Variants in PP2D1 observed in about 807,000 individuals in gnomAD.
PP2D1 encodes protein phosphatase 2C like domain containing 1, also known as protein phosphatase 2C-like domain-containing protein 1.
In PP2D1, 25 loss-of-function variants were observed where a neutral mutation model predicts 30.2. The ratio of observed to expected loss-of-function variants is 0.83; its 90% CI spans 0.60 to 1.16. The LOEUF (loss-of-function observed/expected upper bound fraction) is 1.16, where lower values mean the gene tolerates loss of function less well. Ranked by LOEUF, PP2D1 falls within the 50% of genes most tolerant of loss-of-function variation. The probability of loss-of-function intolerance (pLI) is 0.00; values close to 1 mark genes in which losing one functional copy is unlikely to be tolerated. For missense variants in PP2D1, 760 were observed against 742.4 expected (o/e 1.02, Z -0.28); for synonymous variants, 260 against 258.9 (o/e 1.00, Z -0.04).
At chr3:19,986,441 A>T (rs1476228031) in intron 2 of PP2D1, among the ~76,000 whole-genome samples, 1 of 152,248 alleles carries the variant, frequency 6.6e-6, no homozygotes, top group Non-Finnish European at 1.5e-5. Context: ...AACATTACAG[A>T]TAATGCAAAG....
chr3:19,995,848 A>G (rs370788318), intron 2 of PP2D1, among the ~76,000 whole-genome samples: 81 of 152,346 alleles, frequency 5.3e-4, no homozygotes, highest in African/African-American at 1.9e-3. Flanking sequence ...ATGGAAATTA[A>G]ACAACATGCT....
intron 2 of PP2D1, among the ~76,000 whole-genome samples, chr3:19,986,810 G>A (rs533458268): frequency 3.0e-4 from 45 of 152,154 alleles, no homozygotes; most frequent in African/African-American, 9.6e-4. Context: ...CGAGGTGGGC[G>A]GATCACCTGA....
chr3:19,981,283 A>G (rs1259832193), downstream of PP2D1, among the ~76,000 whole-genome samples: 1 of 152,162 alleles, frequency 6.6e-6, no homozygotes, highest in African/African-American at 2.4e-5. Context: ...TTACTACGGG[A>G]TTACATACAG....
At chr3:20,002,165 A>G in intron 1 of PP2D1, 69 bp from the exon 2 acceptor site, 1 of 962,764 alleles carries the variant, frequency 1.0e-6, no homozygotes, top group Non-Finnish European at 1.5e-6. Flanking sequence ...GCAGGCTGTT[A>G]TCATTGCAAT....
chr3:19,998,194 G>A (rs889035535), intron 2 of PP2D1, among the ~76,000 whole-genome samples: 3 of 152,172 alleles, frequency 2.0e-5, no homozygotes, highest in Non-Finnish European at 4.4e-5. Flanking sequence ...TCCAGCCGTG[G>A]TGGCATGCAC....
intron 2 of PP2D1, among the ~76,000 whole-genome samples, chr3:19,998,567 T>C (rs112792957): frequency 6.6e-6 from 1 of 152,202 alleles, no homozygotes; most frequent in African/African-American, 2.4e-5. Context: ...AGGTACCCCA[T>C]GAATATTTAT....
chr3:20,011,210 T>C (rs1317955683), intron 1 of PP2D1, among the ~76,000 whole-genome samples: 5 of 151,980 alleles, frequency 3.3e-5, no homozygotes, highest in Non-Finnish European at 7.4e-5. Flanking sequence ...AGCAGAGAAG[T>C]AGGGGAAGAA....
At chr3:19,986,344 T>G (rs1490082141) in intron 2 of PP2D1, among the ~76,000 whole-genome samples, 162 bp from the exon 3 acceptor site, 1 of 152,170 alleles carries the variant, frequency 6.6e-6, no homozygotes, top group Admixed American at 6.5e-5. Flanking sequence ...TACTGAATGA[T>G]TTACAGTAAA....
At chr3:20,003,905 T>C (rs1697285973) in intron 1 of PP2D1, among the ~76,000 whole-genome samples, 1 of 152,134 alleles carries the variant, frequency 6.6e-6, no homozygotes, top group African/African-American at 2.4e-5. Context: ...TACAAAAGAA[T>C]CAAAAAGTTG....
chr3:20,006,811 C>G (rs1697323063), intron 1 of PP2D1, among the ~76,000 whole-genome samples: 1 of 151,900 alleles, frequency 6.6e-6, no homozygotes, highest in African/African-American at 2.4e-5. Flanking sequence ...GAGTCTTGCT[C>G]TGTCGCCCAG....
chr3:19,998,159 G>A (rs1360458522), intron 2 of PP2D1, among the ~76,000 whole-genome samples: 1 of 152,134 alleles, frequency 6.6e-6, no homozygotes, highest in Admixed American at 6.5e-5. Context: ...GTGAAACCCT[G>A]TCTCTACTAA....
intron 2 of PP2D1, among the ~76,000 whole-genome samples, chr3:19,993,961 T>G (rs1697147528): frequency 6.6e-6 from 1 of 151,866 alleles, no homozygotes. Context: ...CTTGAACTCC[T>G]GACCTTGTGA....
At position 20,001,358 on chromosome 3, in the gene PP2D1, C is replaced by T. The variant is rs533784654; in HGVS notation, c.762G>A (p.Val254=). The T allele has an allele frequency of 1.3e-6, 2 of 1,535,812 alleles. No individual in the cohort carries two copies. The highest frequency in any genetic ancestry group is 1.2e-5 in the South Asian group (1 of 84,030). ...EQQIINSFYT[V]FREEYAAIED... is the part of the protein sequence containing the mutation. ...CTATTGCTGCGTATTCTTCTCTAAA[C>T]ACAGTGTAAAAGGAATTGATTATTT... is the stretch of plus-strand genomic sequence containing the variant. The change falls in exon 2 of 3, where the codon GTG becomes GTA. Residue 254 remains valine, a synonymous_variant. Coordinates refer to ENST00000389050, the MANE Select transcript of PP2D1 (RefSeq NM_001252657.2).
At chr3:19,997,731 G>A (rs552613865) in intron 2 of PP2D1, among the ~76,000 whole-genome samples, 5 of 152,214 alleles carry the variant, frequency 3.3e-5, no homozygotes, top group Admixed American at 2.6e-4. Flanking sequence ...TGGAACTGAG[G>A]GCATTATGTT....
intron 2 of PP2D1, 154 bp downstream of exon 2, chr3:20,000,876 T>G: frequency 2.5e-6 from 1 of 407,788 alleles, no homozygotes; most frequent in Non-Finnish European, 4.3e-6. Flanking sequence ...GCATTTAAAT[T>G]GTGGTTATTT....
chr3:20,006,051 C>G (rs979867942), intron 1 of PP2D1, among the ~76,000 whole-genome samples: 3 of 152,110 alleles, frequency 2.0e-5, no homozygotes, highest in African/African-American at 4.8e-5. Flanking sequence ...TTGGGACTAG[C>G]CCAGCCAACA....
intron 1 of PP2D1, among the ~76,000 whole-genome samples, chr3:20,011,612 A>G (rs569724721): frequency 2.0e-5 from 3 of 152,190 alleles, no homozygotes; most frequent in African/African-American, 7.2e-5. Flanking sequence ...CAGCCTGGCC[A>G]ACATAGTGAA....
At chr3:19,983,072 C>T (rs1696962162), downstream of PP2D1, among the ~76,000 whole-genome samples, 1 of 152,102 alleles carries the variant, frequency 6.6e-6, no homozygotes, top group South Asian at 2.1e-4. Flanking sequence ...TGCCATGGCT[C>T]ACGCCTATAA....
chr3:19,999,445 G>GCACC (rs765333457), intron 2 of PP2D1, among the ~76,000 whole-genome samples: 28,640 of 151,160 alleles, frequency 0.19, 2,618 homozygotes, highest in South Asian at 0.22. Flanking sequence ...GCAGTGGTGT[G>GCACC]ATCTCAGCTC....
Sources: gnomAD v4.1 joint callset for allele counts (sites outside exome capture counted in the v4.1 genomes callset) on GRCh38, gnomAD v4.1.1 for gene constraint, MANE v1.5 for transcripts, NCBI Gene and HGNC (gene_info 2026-07-23, HGNC 2026-07-21) for gene names.